LARGE1: variants seen among roughly 807,000 people sequenced by gnomAD.
LARGE1 encodes LARGE xylosyl- and glucuronyltransferase 1, also known as xylosyl- and glucuronyltransferase LARGE1.
In LARGE1, 43 loss-of-function variants were observed where a neutral mutation model predicts 87.6. The ratio of observed to expected loss-of-function variants is 0.49; its 90% CI spans 0.38 to 0.63. LARGE1 has a LOEUF of 0.63. Among genes scored for constraint, LARGE1 ranks in the 30% least tolerant of loss-of-function variants. The pLI, the probability that LARGE1 is intolerant of heterozygous loss-of-function variation, is 0.00. For synonymous variants in LARGE1, 434 were observed against 394.6 expected (o/e 1.10, Z -1.18); for missense variants, 802 against 1,000.2 (o/e 0.80, Z 2.67).
At chr22:33,512,533 T>C (rs1569227295) in intron 6 of LARGE1, among the ~76,000 whole-genome samples, 1 of 152,252 alleles carries the variant, frequency 6.6e-6, no homozygotes, top group African/African-American at 2.4e-5. Context: ...CCAGGCGCAG[T>C]GGCTCACGCC....
chr22:33,799,782 T>C (rs1450774498), intron 1 of LARGE1, among the ~76,000 whole-genome samples: 1 of 151,228 alleles, frequency 6.6e-6, no homozygotes, highest in Non-Finnish European at 1.5e-5. Context: ...AAACGGAGAG[T>C]TTGGTAATAT....
At chr22:33,753,218 C>CA (rs200395008) in intron 2 of LARGE1, among the ~76,000 whole-genome samples, 7,049 of 151,628 alleles carry the variant, frequency 0.046, 236 homozygotes, top group African/African-American at 0.086. Context: ...GACTCCATCA[C>CA]AAAAAAATAG....
At chr22:33,379,982 A>T (rs576065632) in intron 9 of LARGE1, among the ~76,000 whole-genome samples, 1 of 152,340 alleles carries the variant, frequency 6.6e-6, no homozygotes, top group South Asian at 2.1e-4. Context: ...CTCACCTTTA[A>T]ACCAGGCTCC....
At chr22:33,654,410 C>CT (rs1396704367) in intron 2 of LARGE1, among the ~76,000 whole-genome samples, 1 of 152,238 alleles carries the variant, frequency 6.6e-6, no homozygotes, top group African/African-American at 2.4e-5. Flanking sequence ...CCTCTCAGCT[C>CT]TAACTCTCCG....
chr22:33,752,485 A>T (rs1203075882), intron 2 of LARGE1, among the ~76,000 whole-genome samples: 1 of 152,208 alleles, frequency 6.6e-6, no homozygotes, highest in African/African-American at 2.4e-5. Context: ...ACCTTAACGC[A>T]TCATCAGTTA....
intron 1 of LARGE1, among the ~76,000 whole-genome samples, chr22:33,825,689 G>A (rs933164021): frequency 6.6e-6 from 1 of 152,144 alleles, no homozygotes; most frequent in African/African-American, 2.4e-5. Context: ...CATGACACTG[G>A]CGATTACACG....
rs1263961982 is a variant in LARGE1 at position 33,316,267 on chromosome 22, G to T, written c.1288-19C>A. ...TCTGGAGCTGCAGGGTAGGAGAGAG[G>T]GCTTGGGCACGTGAAGAAGAGGTCC... On this transcript the variant is annotated intron_variant, in intron 10 of 14. Transcript: ENST00000397394. 2 of 1,612,140 alleles carry T rather than the reference G, an allele frequency of 1.2e-6. No homozygotes were observed. Among genetic ancestry groups the T allele is most frequent in the Admixed American group, 1.7e-5 (1 of 60,008 alleles).
chr22:33,863,120 C>G (rs2063980763), intron 1 of LARGE1, among the ~76,000 whole-genome samples: 1 of 152,170 alleles, frequency 6.6e-6, no homozygotes, highest in African/African-American at 2.4e-5. Flanking sequence ...CCGTGGCACA[C>G]AGGAACACGG....
At chr22:33,521,414 T>C (rs562215991) in intron 6 of LARGE1, among the ~76,000 whole-genome samples, 1 of 152,198 alleles carries the variant, frequency 6.6e-6, no homozygotes, top group African/African-American at 2.4e-5. Flanking sequence ...GGGGCCTCTC[T>C]CCACATGGGC....
At chr22:33,117,103 A>T in the LARGE1 span, among the ~76,000 whole-genome samples, 1 of 152,210 alleles carries the variant, frequency 6.6e-6, no homozygotes, top group African/African-American at 2.4e-5. Context: ...AAGTTCGCAT[A>T]TCTTCTTGCT....
intron 11 of LARGE1, among the ~76,000 whole-genome samples, chr22:33,258,054 A>T (rs1354889627): frequency 1.3e-5 from 2 of 152,068 alleles, no homozygotes; most frequent in African/African-American, 4.8e-5. Context: ...GAGACTACAG[A>T]GTCCTGCTCT....
intron 11 of LARGE1, among the ~76,000 whole-genome samples, chr22:33,247,010 C>T (rs1302240217): frequency 6.6e-6 from 1 of 151,472 alleles, no homozygotes; most frequent in African/African-American, 2.4e-5. Flanking sequence ...TTGAAAGACA[C>T]TGTGAAAATT....
At chr22:33,381,657 A>G (rs1309764630) in intron 9 of LARGE1, among the ~76,000 whole-genome samples, 1 of 152,132 alleles carries the variant, frequency 6.6e-6, no homozygotes, top group East Asian at 1.9e-4. Flanking sequence ...GGCATGAACC[A>G]AAAGAGCCAG....
chr22:33,640,149 T>C (rs1269171710), intron 3 of LARGE1, among the ~76,000 whole-genome samples: 3 of 152,200 alleles, frequency 2.0e-5, no homozygotes, highest in Non-Finnish European at 4.4e-5. Context: ...GAAGGGAGTT[T>C]CTATTTTGAC....
intron 1 of LARGE1, among the ~76,000 whole-genome samples, chr22:33,806,004 C>T (rs942701475): frequency 1.3e-5 from 2 of 152,168 alleles, no homozygotes; most frequent in African/African-American, 4.8e-5. Context: ...AGTGCATTCA[C>T]AATGCTGTGC....
chr22:33,915,771 T>C (rs2065769904), intron 1 of LARGE1, among the ~76,000 whole-genome samples: 1 of 152,168 alleles, frequency 6.6e-6, no homozygotes, highest in Admixed American at 6.6e-5. Flanking sequence ...TGGAATCTTA[T>C]TAAATTATTT....
intron 2 of LARGE1, among the ~76,000 whole-genome samples, chr22:33,712,657 T>C (rs1341004056): frequency 6.6e-6 from 1 of 150,388 alleles, no homozygotes; most frequent in Non-Finnish European, 1.5e-5. Flanking sequence ...TGTGTGTGTG[T>C]GTGTGTGTGT....
At chr22:33,235,373 G>T (rs1436396864) in intron 11 of LARGE1, among the ~76,000 whole-genome samples, 1 of 152,198 alleles carries the variant, frequency 6.6e-6, no homozygotes, top group Non-Finnish European at 1.5e-5. Context: ...CCTCAGACCT[G>T]CATGTTAAGG....
chr22:33,316,130 G>A lies in LARGE1; in HGVS notation c.1406C>T (p.Ala469Val). 1 of 1,614,100 alleles carries A rather than the reference G, an allele frequency of 6.2e-7. No individual in the cohort carries two copies. Residue 469 changes from alanine to valine, a missense_variant, in exon 11 of 15, where the codon GCA (alanine) becomes GTA (valine). Ala to Val is a moderately conservative substitution (Grantham distance 64). Around this residue, in one of 2 missense-constraint regions of LARGE1, gnomAD observed 625 missense variants for 841.9 expected, o/e 0.74. Coordinates refer to ENST00000397394, the MANE Select transcript of LARGE1 (RefSeq NM_133642.5). Reference sequence around the variant, plus strand: ...GACCAGGGTGACGTCCGTGCTGTCTGCTGCAGGCTCATACTCGTAGTGCAG... The same window carrying A: ...GACCAGGGTGACGTCCGTGCTGTCTACTGCAGGCTCATACTCGTAGTGCAG... Reference protein sequence around the residue: ...YFLHYEYEPAADSTDVTLVAQ... With the variant: ...YFLHYEYEPAVDSTDVTLVAQ...
Sources: gnomAD v4.1 joint callset for allele counts (sites outside exome capture counted in the v4.1 genomes callset) on GRCh38, gnomAD v4.1.1 for gene constraint, gnomAD v4.1.1 regional missense constraint, MANE v1.5 for transcripts, NCBI Gene and HGNC (gene_info 2026-07-23, HGNC 2026-07-21) for gene names.